LPAR1: variants seen among roughly 807,000 people sequenced by gnomAD.
The protein encoded by LPAR1 is LPA receptor 1.
In LPAR1, 5 loss-of-function variants were observed where a neutral mutation model predicts 23.8. The ratio of observed to expected loss-of-function variants is 0.21; its 90% CI spans 0.11 to 0.44. LPAR1 has a LOEUF of 0.44. LPAR1 is among the 20% of genes least tolerant of loss of function. The pLI is 0.99. For missense variants in LPAR1, 311 were observed against 482.8 expected, an observed-to-expected ratio of 0.64 and a Z score of 3.33; for synonymous variants, 160 against 164.7, an observed-to-expected ratio of 0.97 and a Z score of 0.22.
At chr9:111,013,370 C>A (rs1289638218) in intron 2 of LPAR1, among the ~76,000 whole-genome samples, 1 of 152,150 alleles carries the variant, frequency 6.6e-6, no homozygotes, top group Non-Finnish European at 1.5e-5. Context: ...ATGACCCTCA[C>A]CATGTGGTAA....
At chr9:110,981,038 T>C (rs1430808607) in intron 2 of LPAR1, among the ~76,000 whole-genome samples, 6 of 152,138 alleles carry the variant, frequency 3.9e-5, no homozygotes, top group Non-Finnish European at 8.8e-5. Context: ...TTTACATATT[T>C]AGCTGTTTTG....
chr9:110,946,953 A>C (rs1384971938), intron 4 of LPAR1, among the ~76,000 whole-genome samples: 1 of 152,198 alleles, frequency 6.6e-6, no homozygotes, highest in Non-Finnish European at 1.5e-5. Flanking sequence ...GAGATGATTT[A>C]AATGTGACAA....
At chr9:110,882,750 G>A (rs575094674) in intron 5 of LPAR1, among the ~76,000 whole-genome samples, 97 of 147,834 alleles carry the variant, frequency 6.6e-4, no homozygotes, top group African/African-American at 2.3e-3. Flanking sequence ...ACGGTGCTTT[G>A]GTTATATCTA....
At chr9:110,929,698 ATGTG>A (rs71371696) in intron 5 of LPAR1, among the ~76,000 whole-genome samples, 17,357 of 146,090 alleles carry the variant, frequency 0.12, 1,164 homozygotes, top group South Asian at 0.18. Flanking sequence ...CCAGCCAATA[ATGTG>A]TGTGTGTGTG....
At position 110,976,569 on chromosome 9, in the gene LPAR1, A is replaced by G. The variant is rs550338870; in HGVS notation, c.-181-3011T>C. ...CTGCAACTCTTCCAACCTGCCACCA[A>G]CCTAACTCTCCATTTCCTTTGCTTG... On this transcript the variant is annotated intron_variant, in intron 2 of 5. Coordinates refer to ENST00000683809, the MANE Select transcript of LPAR1 (RefSeq NM_001351411.2). Among the ~76,000 whole-genome samples the G allele has an allele frequency of 6.2e-3, 950 of 152,152 alleles. 9 individuals are homozygous for G. Among genetic ancestry groups the G allele is most frequent in the Non-Finnish European group, 9.0e-3 (609 of 68,010 alleles).
chr9:110,967,609 A>G (rs1424340633), intron 4 of LPAR1, among the ~76,000 whole-genome samples: 1 of 152,214 alleles, frequency 6.6e-6, no homozygotes, highest in Non-Finnish European at 1.5e-5. Flanking sequence ...ACTGGAAAAG[A>G]AAGCAAGTTG....
At chr9:111,012,662 A>G (rs2097355951) in intron 2 of LPAR1, among the ~76,000 whole-genome samples, 1 of 152,086 alleles carries the variant, frequency 6.6e-6, no homozygotes, top group South Asian at 2.1e-4. Flanking sequence ...TGGTAGGAGG[A>G]TGAGACAGAG....
intron 2 of LPAR1, among the ~76,000 whole-genome samples, chr9:110,974,916 C>A (rs1159926170): frequency 2.0e-5 from 3 of 152,150 alleles, no homozygotes; most frequent in Non-Finnish European, 4.4e-5. Flanking sequence ...TTTTTGCTCA[C>A]TCCTACTTTC....
At chr9:110,907,133 C>T (rs184124601) in intron 5 of LPAR1, among the ~76,000 whole-genome samples, 202 of 152,184 alleles carry the variant, frequency 1.3e-3, no homozygotes, top group African/African-American at 4.6e-3. Context: ...GATAATACTA[C>T]CTCTGAGAAA....
chr9:110,886,578 T>C (rs1450765508), intron 5 of LPAR1, among the ~76,000 whole-genome samples: 1 of 152,170 alleles, frequency 6.6e-6, no homozygotes, highest in African/African-American at 2.4e-5. Flanking sequence ...GCATGCACTA[T>C]GCACACTCAG....
intron 5 of LPAR1, among the ~76,000 whole-genome samples, chr9:110,940,590 T>A (rs1234426550): frequency 6.6e-6 from 1 of 152,204 alleles, no homozygotes; most frequent in Admixed American, 6.5e-5. Context: ...TATAATTCCA[T>A]TGGGTAATTA....
chr9:111,030,961 A>C (rs781497398), intron 2 of LPAR1, among the ~76,000 whole-genome samples: 13 of 152,118 alleles, frequency 8.5e-5, no homozygotes, highest in Non-Finnish European at 1.6e-4. Flanking sequence ...CACTTATCCC[A>C]CACACACATA....
intron 2 of LPAR1, among the ~76,000 whole-genome samples, chr9:111,028,035 G>A (rs1377830598): frequency 6.6e-6 from 1 of 151,924 alleles, no homozygotes; most frequent in African/African-American, 2.4e-5. Context: ...TTAATGGCCT[G>A]TGTACATACT....
chr9:110,876,289 T>G (rs2079070714), intron 5 of LPAR1, among the ~76,000 whole-genome samples: 1 of 152,210 alleles, frequency 6.6e-6, no homozygotes, highest in Non-Finnish European at 1.5e-5. Flanking sequence ...ATTAAACAAG[T>G]GTTAAGGAAA....
intron 5 of LPAR1, among the ~76,000 whole-genome samples, chr9:110,940,380 T>A (rs1467119324): frequency 6.6e-6 from 1 of 152,188 alleles, no homozygotes; most frequent in African/African-American, 2.4e-5. Context: ...CATAATCCCA[T>A]GTTACATTCA....
chr9:110,877,907 T>C (rs2079546298), intron 5 of LPAR1, among the ~76,000 whole-genome samples: 1 of 152,162 alleles, frequency 6.6e-6, no homozygotes, highest in Admixed American at 6.5e-5. Flanking sequence ...ACACTGTCAT[T>C]TGTTGTTTAT....
intron 5 of LPAR1, among the ~76,000 whole-genome samples, chr9:110,892,651 G>GAGAA (rs1265854272): frequency 1.1e-4 from 16 of 143,450 alleles, no homozygotes; most frequent in East Asian, 6.7e-4. Context: ...TTGACAGAGT[G>GAGAA]AGAAAGAAAG....
chr9:110,966,455 G>A (rs966741050), intron 4 of LPAR1, among the ~76,000 whole-genome samples: 1 of 150,410 alleles, frequency 6.6e-6, no homozygotes, highest in Non-Finnish European at 1.5e-5. Context: ...CTCCAGCCTG[G>A]GCAACAGAGT....
At chr9:110,928,019 T>C (rs2094161186) in intron 5 of LPAR1, among the ~76,000 whole-genome samples, 1 of 152,128 alleles carries the variant, frequency 6.6e-6, no homozygotes, top group African/African-American at 2.4e-5. Flanking sequence ...TACAAAAATG[T>C]CCTCAAAGTT....
Sources: gnomAD v4.1 joint callset for allele counts (sites outside exome capture counted in the v4.1 genomes callset) on GRCh38, gnomAD v4.1.1 for gene constraint, MANE v1.5 for transcripts, NCBI Gene and HGNC (gene_info 2026-07-23, HGNC 2026-07-21) for gene names.